Variants in STK33 observed in about 807,000 individuals in gnomAD.
STK33 encodes the protein serine/threonine-protein kinase 33.
A neutral mutation model predicts 58.0 loss-of-function variants in STK33; 52 were observed. The observed-to-expected ratio is 0.90, with a 90% CI of 0.72 to 1.13. The LOEUF (loss-of-function observed/expected upper bound fraction) is 1.13. Ranked by LOEUF, STK33 falls within the 50% of genes most tolerant of loss-of-function variation. STK33 has a pLI of 0.00. For missense variants in STK33, 630 were observed against 604.2 expected (o/e 1.04, Z -0.45); for synonymous variants, 215 against 200.1 (o/e 1.07, Z -0.63).
chr11:8,464,569 G>A, intron 7 of STK33, 140 bp downstream of exon 7: 1 of 478,744 alleles, frequency 2.1e-6, no homozygotes, highest in Non-Finnish European at 3.7e-6. Flanking sequence ...CTAGAGAAAT[G>A]CCACGCTTCT....
intron 14 of STK33, among the ~76,000 whole-genome samples, chr11:8,416,759 G>C (rs2135746280): frequency 6.6e-6 from 1 of 152,232 alleles, no homozygotes; most frequent in East Asian, 1.9e-4. Context: ...AGAGACTGTG[G>C]AGAAAAGCAA....
At chr11:8,477,139 TACACACACACACACAC>T (rs146828395) in intron 3 of STK33, 95 bp downstream of exon 3, 3 of 141,232 alleles carry the variant, frequency 2.1e-5, no homozygotes, top group African/African-American at 2.6e-5. Context: ...CCACTCAAAA[TACACACACACACACAC>T]ACACACACAC....
chr11:8,550,272 T>A lies in STK33; in HGVS notation c.-466+43811A>T, dbSNP rs181264007. On this transcript the variant is annotated intron_variant, in intron 1 of 15. Transcript: ENST00000687296. Reference sequence around the variant, plus strand: ...ATTAATAGCAATAGTTTCAGGGTGATCTTTTGTAATTTTTTTTAGTCTCAA... The same window carrying A: ...ATTAATAGCAATAGTTTCAGGGTGAACTTTTGTAATTTTTTTTAGTCTCAA... Among the ~76,000 whole-genome samples the A allele has an allele frequency of 2.0e-5, 3 of 152,134 alleles. No individual in the cohort carries two copies. In the South Asian group the frequency reaches 6.2e-4, roughly 32 times the overall value.
chr11:8,455,413 A>T lies in STK33; in HGVS notation c.698-581T>A, dbSNP rs186679713. Among the ~76,000 whole-genome samples the T allele has an allele frequency of 5.4e-4, 83 of 152,352 alleles. 1 individual carries two copies. Among genetic ancestry groups the T allele is most frequent in the African/African-American group, 1.9e-3 (79 of 41,580 alleles). ...TCTCCAGTTGAACATGTCAGAGCTCAGGTACAATTTTTATGTACATACAAA... is the reference window on the plus strand; with the variant it reads ...TCTCCAGTTGAACATGTCAGAGCTCTGGTACAATTTTTATGTACATACAAA... On this transcript the variant is annotated intron_variant, in intron 9 of 15. Coordinates refer to ENST00000687296, the MANE Select transcript of STK33 (RefSeq NM_001352389.2).
chr11:8,540,986 C>CTA (rs1245042876), intron 1 of STK33, among the ~76,000 whole-genome samples: 2 of 138,296 alleles, frequency 1.4e-5, no homozygotes, highest in East Asian at 2.0e-4. Context: ...CTCTCTCTCT[C>CTA]TCTCTCTCTA....
chr11:8,529,104 A>G (rs1452369063), intron 1 of STK33, among the ~76,000 whole-genome samples: 1 of 152,210 alleles, frequency 6.6e-6, no homozygotes, highest in Admixed American at 6.5e-5. Context: ...CAACAGTCTG[A>G]TTCCGTCTTG....
At chr11:8,431,901 C>T (rs920104612) in intron 14 of STK33, among the ~76,000 whole-genome samples, 3 of 152,170 alleles carry the variant, frequency 2.0e-5, no homozygotes, top group South Asian at 4.1e-4. Context: ...ATTAAACTTT[C>T]TGACTTCATA....
At chr11:8,584,692 A>G (rs1350285765) in intron 1 of STK33, among the ~76,000 whole-genome samples, 3 of 152,160 alleles carry the variant, frequency 2.0e-5, no homozygotes, top group African/African-American at 7.2e-5. Context: ...GGTCTCAGCC[A>G]TCCAATAGGA....
intron 1 of STK33, among the ~76,000 whole-genome samples, chr11:8,492,916 C>T (rs977884964): frequency 3.3e-5 from 5 of 152,146 alleles, no homozygotes; most frequent in Admixed American, 2.6e-4. Context: ...GAAGACAAAA[C>T]GTACCAGAAT....
At chr11:8,578,650 T>G (rs954471557) in intron 1 of STK33, among the ~76,000 whole-genome samples, 2 of 151,898 alleles carry the variant, frequency 1.3e-5, no homozygotes, top group Non-Finnish European at 2.9e-5. Context: ...AATTGTTACT[T>G]GGCTCCAGGG....
chr11:8,412,298 C>T (rs1023975058), intron 15 of STK33, among the ~76,000 whole-genome samples: 1 of 152,112 alleles, frequency 6.6e-6, no homozygotes, highest in Non-Finnish European at 1.5e-5. Flanking sequence ...ATATAAAATA[C>T]ACTCAAGAGC....
chr11:8,343,660 G>A, the STK33 span, among the ~76,000 whole-genome samples: 1 of 152,318 alleles, frequency 6.6e-6, no homozygotes, highest in Non-Finnish European at 1.5e-5. Flanking sequence ...CATCAAGGCT[G>A]GGGCGAGTCT....
At chr11:8,454,964 T>C in intron 9 of STK33, 132 bp from the exon 10 acceptor site, 1 of 899,206 alleles carries the variant, frequency 1.1e-6, no homozygotes, top group Non-Finnish European at 1.5e-6. Context: ...TAGTCTGTCC[T>C]GTTCTATTCT....
the STK33 span, among the ~76,000 whole-genome samples, chr11:8,359,176 A>G: frequency 6.6e-6 from 1 of 152,134 alleles, no homozygotes; most frequent in African/African-American, 2.4e-5. Flanking sequence ...GAGATGTGTG[A>G]CCCCAAAACT....
intron 1 of STK33, among the ~76,000 whole-genome samples, chr11:8,509,214 A>G (rs1331065701): frequency 6.6e-6 from 1 of 152,008 alleles, no homozygotes; most frequent in Non-Finnish European, 1.5e-5. Flanking sequence ...CATATAAAGG[A>G]TAAGAGTTCA....
At chr11:8,393,124 A>C (rs1281814510) in intron 15 of STK33, among the ~76,000 whole-genome samples, 1 of 152,238 alleles carries the variant, frequency 6.6e-6, no homozygotes, top group Non-Finnish European at 1.5e-5. Flanking sequence ...GAAGTGCTAC[A>C]TAAGGCCCAC....
At chr11:8,471,754 A>C (rs1948801582) in intron 6 of STK33, among the ~76,000 whole-genome samples, 1 of 152,172 alleles carries the variant, frequency 6.6e-6, no homozygotes, top group Admixed American at 6.5e-5. Flanking sequence ...AAAAATGTTA[A>C]AGAAAAATAA....
chr11:8,445,502 T>C (rs1945319684), intron 11 of STK33, among the ~76,000 whole-genome samples: 1 of 152,244 alleles, frequency 6.6e-6, no homozygotes, highest in African/African-American at 2.4e-5. Flanking sequence ...TTCAGTATGA[T>C]ATTCGCTGTT....
intron 1 of STK33, among the ~76,000 whole-genome samples, chr11:8,487,917 G>A (rs1950302373): frequency 6.6e-6 from 1 of 152,148 alleles, no homozygotes. Context: ...ATATCAGTAA[G>A]AACAACAAGC....
Sources: allele counts gnomAD v4.1 joint callset (sites outside exome capture counted in the v4.1 genomes callset), GRCh38; gene constraint gnomAD v4.1.1; transcripts MANE v1.5; gene names NCBI Gene and HGNC (gene_info 2026-07-23, HGNC 2026-07-21).